Variants in THSD7B observed in about 807,000 individuals in gnomAD.
The protein encoded by THSD7B is thrombospondin type-1 domain-containing protein 7B.
A neutral mutation model predicts 213.6 loss-of-function variants in THSD7B; 138 were observed. The observed-to-expected ratio is 0.65, with a 90% confidence interval of 0.56 to 0.74. The LOEUF (loss-of-function observed/expected upper bound fraction) is 0.74. Ranked by LOEUF, THSD7B falls within the 30% of genes least tolerant of loss-of-function variation. THSD7B has a pLI of 0.00. For missense variants in THSD7B, 1,931 were observed against 1,991.5 expected (o/e 0.97, Z 0.58); for synonymous variants, 742 against 687.0 (o/e 1.08, Z -1.25).
intron 3 of THSD7B, among the ~76,000 whole-genome samples, chr2:137,059,509 C>G (rs1288797290): frequency 2.6e-5 from 4 of 152,028 alleles, no homozygotes; most frequent in African/African-American, 9.7e-5. Context: ...CCTAAGTATC[C>G]CTTCTACTCT....
chr2:137,294,532 G>A (rs1199759159), intron 12 of THSD7B, among the ~76,000 whole-genome samples: 2 of 137,754 alleles, frequency 1.5e-5, no homozygotes, highest in Non-Finnish European at 3.0e-5. Flanking sequence ...GCAGTAAACT[G>A]AGATTATGCC....
intron 2 of THSD7B, among the ~76,000 whole-genome samples, chr2:136,982,008 C>A (rs1685584749): frequency 6.6e-6 from 1 of 152,154 alleles, no homozygotes; most frequent in African/African-American, 2.4e-5. Context: ...AAATGTGATG[C>A]CATTTTACTC....
At chr2:137,398,417 C>T (rs1234755058) in intron 12 of THSD7B, among the ~76,000 whole-genome samples, 15 of 149,526 alleles carry the variant, frequency 1.0e-4, no homozygotes, top group Non-Finnish European at 1.5e-5. Context: ...GTTGGAATAC[C>T]CTGCTGTGTG....
chr2:137,397,615 A>G (rs982851689), intron 12 of THSD7B, among the ~76,000 whole-genome samples: 4 of 149,676 alleles, frequency 2.7e-5, no homozygotes, highest in Non-Finnish European at 6.0e-5. Context: ...CTTCATTTCA[A>G]CTTTGGTGAA....
At chr2:137,491,584 G>A (rs1030916130) in intron 15 of THSD7B, among the ~76,000 whole-genome samples, 1 of 152,178 alleles carries the variant, frequency 6.6e-6, no homozygotes, top group East Asian at 1.9e-4. Context: ...ATCATGTGGA[G>A]AGAGGTTTAG....
chr2:137,037,982 TAAA>T (rs56018547), intron 2 of THSD7B, among the ~76,000 whole-genome samples: 1 of 151,898 alleles, frequency 6.6e-6, no homozygotes, highest in African/African-American at 2.4e-5. Context: ...TTAGCAAAAA[TAAA>T]AAAAAATGTT....
chr2:137,000,436 A>G (rs1281360143), intron 2 of THSD7B, among the ~76,000 whole-genome samples: 1 of 152,186 alleles, frequency 6.6e-6, no homozygotes, highest in Non-Finnish European at 1.5e-5. Context: ...CATAATTGTG[A>G]TTGCATAAGT....
chr2:137,188,539 A>T (rs1000289812), intron 7 of THSD7B, among the ~76,000 whole-genome samples: 5 of 152,356 alleles, frequency 3.3e-5, no homozygotes, highest in Middle Eastern at 3.4e-3. Flanking sequence ...GAAACTCATG[A>T]TACACATTAC....
At position 137,105,909 on chromosome 2, in the gene THSD7B, T is replaced by C. The variant is rs1188819985; in HGVS notation, c.1200-9215T>C. Among the ~76,000 whole-genome samples the C allele has an allele frequency of 4.6e-5, 7 of 152,070 alleles. 1 individual carries two copies. Among genetic ancestry groups the C allele is most frequent in the Admixed American group, 4.6e-4 (7 of 15,266 alleles). On this transcript the variant is annotated intron_variant, in intron 4 of 27. Transcript: ENST00000409968. ...GGAAATAAGAGAGGACACAAACAAA[T>C]GGAAAAACATTCCATGCTCCTGGAT...
chr2:136,960,386 A>T (rs1685195550), intron 2 of THSD7B, among the ~76,000 whole-genome samples: 2 of 151,918 alleles, frequency 1.3e-5, no homozygotes, highest in South Asian at 4.2e-4. Flanking sequence ...CAATCTTCCC[A>T]CCTTGGCCGC....
At chr2:137,330,680 G>C (rs1265681120) in intron 12 of THSD7B, among the ~76,000 whole-genome samples, 1 of 152,112 alleles carries the variant, frequency 6.6e-6, no homozygotes, top group African/African-American at 2.4e-5. Flanking sequence ...TGAAGCTGCA[G>C]ACTTTTGAGG....
intron 20 of THSD7B, among the ~76,000 whole-genome samples, chr2:137,633,036 G>A (rs16839189): frequency 6.6e-6 from 1 of 152,214 alleles, no homozygotes; most frequent in East Asian, 1.9e-4. Flanking sequence ...CCACACATGT[G>A]CTAAAGAGCT....
chr2:137,647,825 G>A (rs352176), intron 21 of THSD7B, among the ~76,000 whole-genome samples: 1 of 152,090 alleles, frequency 6.6e-6, no homozygotes, highest in Non-Finnish European at 1.5e-5. Context: ...TGAAGCTGAG[G>A]CCAGCTTGGT....
At chr2:137,382,875 A>G (rs965406924) in intron 12 of THSD7B, among the ~76,000 whole-genome samples, 1 of 152,142 alleles carries the variant, frequency 6.6e-6, no homozygotes, top group African/African-American at 2.4e-5. Context: ...GGGACATGGT[A>G]TATGGATGGG....
chr2:136,825,836 G>A (rs960480089), intron 1 of THSD7B, among the ~76,000 whole-genome samples: 7 of 151,734 alleles, frequency 4.6e-5, no homozygotes, highest in Admixed American at 3.9e-4. Context: ...ACAGGTGTGA[G>A]CATTCACGTC....
intron 2 of THSD7B, among the ~76,000 whole-genome samples, chr2:136,967,761 TC>T (rs1475092841): frequency 2.6e-5 from 4 of 152,174 alleles, no homozygotes; most frequent in African/African-American, 9.6e-5. Context: ...GAAAGCACTT[TC>T]CTTGATGTTT....
At chr2:136,960,870 G>T (rs1459516331) in intron 2 of THSD7B, among the ~76,000 whole-genome samples, 2 of 151,604 alleles carry the variant, frequency 1.3e-5, no homozygotes, top group South Asian at 2.1e-4. Flanking sequence ...TGGGCGGATC[G>T]CAAGGTCAGG....
chr2:136,957,299 G>A (rs1010806083), intron 2 of THSD7B, among the ~76,000 whole-genome samples: 42 of 152,162 alleles, frequency 2.8e-4, no homozygotes, highest in Non-Finnish European at 2.4e-4. Flanking sequence ...TTGCTACCAT[G>A]TGCATGCTGA....
chr2:137,666,495 T>G (rs1258190390), intron 26 of THSD7B, among the ~76,000 whole-genome samples: 1 of 152,098 alleles, frequency 6.6e-6, no homozygotes, highest in Non-Finnish European at 1.5e-5. Context: ...AATTGTGATT[T>G]TATTCAAAAC....
Sources: gnomAD v4.1 joint callset for allele counts (sites outside exome capture counted in the v4.1 genomes callset) on GRCh38, gnomAD v4.1.1 for gene constraint, MANE v1.5 for transcripts, NCBI Gene and HGNC (gene_info 2026-07-23, HGNC 2026-07-21) for gene names.